The following SMARCA2 variants were observed in gnomAD, a reference collection of about 807,000 sequenced individuals.
The protein encoded by SMARCA2 is SWI/SNF-related matrix-associated actin-dependent regulator of chromatin subfamily A member 2.
A neutral mutation model predicts 199.8 loss-of-function variants in SMARCA2; 61 were observed. That is an observed-to-expected ratio of 0.31 (90% confidence interval 0.25 to 0.38). SMARCA2 has a LOEUF of 0.38. SMARCA2 is among the 10% of genes least tolerant of loss of function. The pLI, the probability that SMARCA2 is intolerant of heterozygous loss-of-function variation, is 1.00. For synonymous variants in SMARCA2, 935 were observed against 732.0 expected, an observed-to-expected ratio of 1.28 and a Z score of -4.48; for missense variants, 1,344 against 2,012.2, an observed-to-expected ratio of 0.67 and a Z score of 6.35.
chr9:2,099,746 C>G (rs1347102585), intron 21 of SMARCA2, among the ~76,000 whole-genome samples: 2 of 152,148 alleles, frequency 1.3e-5, no homozygotes, highest in East Asian at 3.9e-4. Context: ...ACCCTTTGTT[C>G]ATACTAAATC....
chr9:2,022,493 T>G (rs1453499938), intron 1 of SMARCA2, among the ~76,000 whole-genome samples: 4 of 152,198 alleles, frequency 2.6e-5, no homozygotes, highest in African/African-American at 9.7e-5. Flanking sequence ...AACTTGGAGT[T>G]CATTGTTGAA....
chr9:2,161,895 C>T lies in SMARCA2; in HGVS notation c.4191C>T (p.Tyr1397=). The change falls in exon 28 of 34, where the codon TAC becomes TAT. Residue 1397 remains tyrosine (Y), a synonymous_variant. Coordinates refer to ENST00000349721, the MANE Select transcript of SMARCA2 (RefSeq NM_003070.5). The surrounding 1 kb of genome is among the most constrained non-coding windows in gnomAD (Gnocchi z 4.7). ...MNAIIDTVIN[Y]KDRCNVEKVP... ...CTATCATCGATACTGTGATAAACTA[C>T]AAAGATAGGTGAGTGTTTGGTTCCT... The T allele has an allele frequency of 2.5e-6, 4 of 1,613,224 alleles. No homozygotes were observed. Among genetic ancestry groups the T allele is most frequent in the East Asian group, 4.5e-5 (2 of 44,868 alleles).
At chr9:2,070,719 G>A (rs1821053030) in intron 10 of SMARCA2, among the ~76,000 whole-genome samples, 2 of 152,154 alleles carry the variant, frequency 1.3e-5, no homozygotes, top group Non-Finnish European at 2.9e-5. Context: ...AGAATTTTCT[G>A]TGCACATATA....
At chr9:2,024,391 C>T (rs139600130) in intron 1 of SMARCA2, among the ~76,000 whole-genome samples, 1 of 152,264 alleles carries the variant, frequency 6.6e-6, no homozygotes, top group Non-Finnish European at 1.5e-5. Flanking sequence ...TACTTACGCA[C>T]AAGTCTGATT....
chr9:2,126,572 C>T (rs752649309), intron 27 of SMARCA2, among the ~76,000 whole-genome samples: 2 of 152,246 alleles, frequency 1.3e-5, no homozygotes, highest in Non-Finnish European at 2.9e-5. Flanking sequence ...TATGATTTAA[C>T]ACATTGCATG....
At position 2,119,557 on chromosome 9, in the gene SMARCA2, AAC is replaced by A; in HGVS notation, c.3762+26_3762+27del. 6.6e-7 allele frequency: 1 copy of A among 1,510,738 alleles called. No individual in the cohort carries two copies. Among genetic ancestry groups the A allele is most frequent in the South Asian group, 1.1e-5 (1 of 88,980 alleles). The allele number at this position is 1,510,738 out of a possible 1,614,324, so 93.6% of individuals were successfully genotyped here. ...TATGGTAATGTTACAGAAAATCATG[AAC>A]ACAAATGCTTTATACCTCTGCCCCT... On this transcript the variant is annotated intron_variant, in intron 26 of 33. Coordinates refer to ENST00000349721, the MANE Select transcript of SMARCA2 (RefSeq NM_003070.5). This position sits in a 1 kb window ranked among gnomAD's most constrained non-coding sequence, Gnocchi z 4.6.
chr9:2,155,851 G>T (rs1365081091), intron 27 of SMARCA2, among the ~76,000 whole-genome samples: 1 of 134,470 alleles, frequency 7.4e-6, no homozygotes, highest in African/African-American at 2.7e-5. Context: ...TCCCCTTTAT[G>T]GTCAGCTTTG....
At chr9:2,190,016 G>C (rs1827769570) in intron 32 of SMARCA2, among the ~76,000 whole-genome samples, 2 of 149,608 alleles carry the variant, frequency 1.3e-5, no homozygotes, top group Admixed American at 6.6e-5. Flanking sequence ...GCTTGAATGA[G>C]AGACCCACAT....
In SMARCA2 at chr9:2,169,242, T is replaced by G. The variant is rs116172310; in HGVS notation, c.4200-1177T>G. Among the ~76,000 whole-genome samples the G allele has an allele frequency of 9.3e-3, 1,419 of 152,306 alleles. 20 individuals are homozygous for G. Among genetic ancestry groups the G allele is most frequent in the African/African-American group, 0.032 (1,339 of 41,564 alleles). Reference sequence around the variant, plus strand: ...CTGGCAAGCTGCAGGGTGGACTGCGTGCCCTGCCTCCAGTCTCTTCCTGTC... The same window carrying G: ...CTGGCAAGCTGCAGGGTGGACTGCGGGCCCTGCCTCCAGTCTCTTCCTGTC... On this transcript the variant is annotated intron_variant, in intron 28 of 33. Coordinates refer to ENST00000349721, the MANE Select transcript of SMARCA2 (RefSeq NM_003070.5). This position sits in a 1 kb window ranked among gnomAD's most constrained non-coding sequence, Gnocchi z 6.5.
chr9:2,050,914 A>G (rs1366850139), intron 5 of SMARCA2, among the ~76,000 whole-genome samples: 1 of 152,220 alleles, frequency 6.6e-6, no homozygotes, highest in Non-Finnish European at 1.5e-5. Flanking sequence ...TTTACTGTTC[A>G]ATCTGTATGA....
rs545130524 is a variant in SMARCA2 at position 2,047,156 on chromosome 9, G to A, written c.791-73G>A. 116 of 1,007,060 alleles carry A rather than the reference G, an allele frequency of 1.2e-4. No homozygotes were observed. In the African/African-American group the frequency reaches 2.0e-3, roughly 17 times the overall value. 62.4% of individuals were successfully genotyped at this position (1,007,060 alleles called of 1,614,324 possible). On this transcript the variant is annotated intron_variant, in intron 4 of 33. Transcript: ENST00000349721. ...GGTCCCCAGCACTGGGCCCCGGGGG[G>A]CGGCGGGCAGGCCGGGTGTGGCCCG...
chr9:2,042,868 C>T (rs1819671994), intron 4 of SMARCA2: 1 of 152,102 alleles, frequency 6.6e-6, no homozygotes, highest in African/African-American at 2.4e-5. Flanking sequence ...AAGATATCTC[C>T]TTCAAATAGA....
At chr9:2,050,569 A>C (rs1820074179) in intron 5 of SMARCA2, among the ~76,000 whole-genome samples, 1 of 152,182 alleles carries the variant, frequency 6.6e-6, no homozygotes, top group South Asian at 2.1e-4. Context: ...CTTTAGTATG[A>C]AAAGAGCGGT....
chr9:2,184,369 T>TC (rs2129917668), intron 31 of SMARCA2, among the ~76,000 whole-genome samples: 1 of 151,288 alleles, frequency 6.6e-6, no homozygotes, highest in East Asian at 1.9e-4. Context: ...TTTTTTTTTT[T>TC]TGAGATGGAG....
chr9:2,124,266 C>G (rs1362301909), intron 27 of SMARCA2, among the ~76,000 whole-genome samples: 1 of 152,150 alleles, frequency 6.6e-6, no homozygotes, highest in Non-Finnish European at 1.5e-5. Flanking sequence ...CTGGTCATGC[C>G]TCACTCTCTC....
intron 27 of SMARCA2, among the ~76,000 whole-genome samples, chr9:2,148,315 G>C (rs950632608): frequency 1.3e-5 from 2 of 151,612 alleles, no homozygotes; most frequent in Non-Finnish European, 3.0e-5. Context: ...GGCAAGAGCA[G>C]AGTGGCCTAG....
Position 2,115,182 on chromosome 9 carries a change from G to C in SMARCA2, c.3457-640G>C, listed in dbSNP as rs1823163778. Among the ~76,000 whole-genome samples the C allele has an allele frequency of 6.6e-6, 1 of 152,148 alleles. No individual in the cohort carries two copies. Among genetic ancestry groups the C allele is most frequent in the Admixed American group, 6.5e-5 (1 of 15,272 alleles). On this transcript the variant is annotated intron_variant, in intron 24 of 33. Coordinates refer to ENST00000349721, the MANE Select transcript of SMARCA2 (RefSeq NM_003070.5). This position sits in a 1 kb window ranked among gnomAD's most constrained non-coding sequence, Gnocchi z 6.0. Reference sequence around the variant, plus strand: ...TATTTCTAAGTCGGAGACATAGACAGTTTTAACACTTCTAATAGGTAGTGA... The same window carrying C: ...TATTTCTAAGTCGGAGACATAGACACTTTTAACACTTCTAATAGGTAGTGA...
At chr9:2,157,024 C>A (rs1192699534) in intron 27 of SMARCA2, among the ~76,000 whole-genome samples, 1 of 152,140 alleles carries the variant, frequency 6.6e-6, no homozygotes, top group Non-Finnish European at 1.5e-5. Context: ...CAGTAATAAT[C>A]AAAAACTTAC....
rs758309121 is a variant in SMARCA2, at chr9:2,058,317, T to C, written c.1374T>C (p.His458=). 10 of 1,614,170 alleles carry C rather than the reference T, an allele frequency of 6.2e-6. No homozygotes were observed. Among genetic ancestry groups the C allele is most frequent in the South Asian group, 1.1e-5 (1 of 91,086 alleles). ...AATACCTGAACAGTATTTTGCAACA[T>C]GCAAAAGATTTTAAGGAATATCATC... is the stretch of plus-strand genomic sequence containing the variant. ...HQEYLNSILQ[H]AKDFKEYHRS... is the part of the protein sequence containing the mutation. Residue 458 remains histidine (H), a synonymous_variant, in exon 8 of 34, where the codon CAT becomes CAC. Transcript: ENST00000349721.
Sources: gnomAD v4.1 joint callset for allele counts (sites outside exome capture counted in the v4.1 genomes callset) on GRCh38, gnomAD v4.1.1 for gene constraint, Gnocchi (gnomAD v3.1) non-coding constraint, MANE v1.5 for transcripts, NCBI Gene and HGNC (gene_info 2026-07-23, HGNC 2026-07-21) for gene names.